The following ZFAND3 variants were observed in gnomAD, a reference collection of about 807,000 sequenced individuals.
ZFAND3 encodes zinc finger AN1-type containing 3.
ZFAND3 carries 10 observed loss-of-function variants against 29.6 expected under a neutral mutation model. The ratio of observed to expected loss-of-function variants is 0.34; its 90% CI spans 0.21 to 0.57. ZFAND3 has a LOEUF of 0.57. ZFAND3 is among the 20% of genes least tolerant of loss of function. The pLI, the probability that ZFAND3 is intolerant of heterozygous loss-of-function variation, is 0.86. For synonymous variants in ZFAND3, 128 were observed against 112.6 expected (o/e 1.14, Z -0.87); for missense variants, 230 against 304.5 (o/e 0.76, Z 1.82).
chr6:38,124,761 C>G (rs772177392), intron 5 of ZFAND3, among the ~76,000 whole-genome samples: 1 of 152,196 alleles, frequency 6.6e-6, no homozygotes, highest in Non-Finnish European at 1.5e-5. Flanking sequence ...CAGAGAGGGG[C>G]CCCCACAGCG....
At chr6:37,879,884 G>A (rs1764859499) in intron 1 of ZFAND3, among the ~76,000 whole-genome samples, 1 of 152,186 alleles carries the variant, frequency 6.6e-6, no homozygotes, top group African/African-American at 2.4e-5. Context: ...AAGGGGCTGC[G>A]TTATAGACTC....
chr6:38,154,153 A>G lies in ZFAND3; in HGVS notation c.*1764A>G. The G allele has an allele frequency of 1.0e-6, 1 of 985,598 alleles. No homozygotes were observed. Among genetic ancestry groups the G allele is most frequent in the Non-Finnish European group, 1.2e-6 (1 of 830,044 alleles). The allele number at this position is 985,598 out of a possible 1,614,324, so 61.1% of individuals were successfully genotyped here. A position where few individuals can be genotyped will look rare whatever the true frequency, so the allele number is the denominator to read the frequency against. On this transcript the variant is annotated 3_prime_UTR_variant, in exon 6 of 6. Coordinates refer to ENST00000287218, the MANE Select transcript of ZFAND3 (RefSeq NM_021943.3). ...TGCCCAGCGTTTACCACTGCTGTCA[A>G]GCCACAGCCCTTGGCCACCATACGG...
chr6:37,835,701 A>G (rs576385485), intron 1 of ZFAND3, among the ~76,000 whole-genome samples: 2 of 152,116 alleles, frequency 1.3e-5, no homozygotes, highest in South Asian at 4.1e-4. Flanking sequence ...AGTCATGGTT[A>G]TGTTCTTTTG....
At chr6:38,105,423 A>G (rs1765188685) in intron 4 of ZFAND3, among the ~76,000 whole-genome samples, 1 of 152,180 alleles carries the variant, frequency 6.6e-6, no homozygotes, top group African/African-American at 2.4e-5. Flanking sequence ...AATTTTTTTA[A>G]TGAGTTTGGA....
intron 2 of ZFAND3, among the ~76,000 whole-genome samples, chr6:38,048,299 G>A (rs1219549674): frequency 1.3e-5 from 2 of 151,996 alleles, no homozygotes; most frequent in Admixed American, 6.6e-5. Context: ...CACCATGCCC[G>A]GCCCCAACAT....
chr6:38,005,546 T>C (rs1186055233), intron 2 of ZFAND3, among the ~76,000 whole-genome samples: 2 of 152,220 alleles, frequency 1.3e-5, no homozygotes, highest in African/African-American at 2.4e-5. Context: ...GACAAGCCTT[T>C]ATCTATCCTT....
intron 2 of ZFAND3, among the ~76,000 whole-genome samples, chr6:38,053,521 T>TA (rs1395685758): frequency 2.6e-5 from 4 of 151,944 alleles, no homozygotes; most frequent in Non-Finnish European, 5.9e-5. Flanking sequence ...CTGTCTCTAC[T>TA]AAAAATACAA....
At chr6:37,912,303 C>T (rs1049016932) in intron 1 of ZFAND3, among the ~76,000 whole-genome samples, 1 of 152,008 alleles carries the variant, frequency 6.6e-6, no homozygotes, top group African/African-American at 2.4e-5. Context: ...ACAGAGTATG[C>T]TCATTAAGAT....
At chr6:37,949,486 A>AT (rs2127420083) in intron 2 of ZFAND3, among the ~76,000 whole-genome samples, 1 of 152,222 alleles carries the variant, frequency 6.6e-6, no homozygotes, top group South Asian at 2.1e-4. Context: ...TTCTGACACT[A>AT]TCTACCTGGA....
rs544318903 is a variant in ZFAND3, at chr6:37,846,772, C to T, written c.71+26756C>T. On this transcript the variant is annotated intron_variant, in intron 1 of 5. Coordinates refer to ENST00000287218, the MANE Select transcript of ZFAND3 (RefSeq NM_021943.3). Reference sequence around the variant, plus strand: ...TGTCGCCCAGGCTGAAGTACAGTGGCGTGATCTCGGCTCACTGCAACCTCC... The same window carrying T: ...TGTCGCCCAGGCTGAAGTACAGTGGTGTGATCTCGGCTCACTGCAACCTCC... Among the ~76,000 whole-genome samples the T allele has an allele frequency of 2.0e-3, 293 of 149,154 alleles. 1 individual carries two copies. Among genetic ancestry groups the T allele is most frequent in the Non-Finnish European group, 3.3e-3 (225 of 67,634 alleles).
At chr6:38,134,493 C>T (rs913304507) in intron 5 of ZFAND3, among the ~76,000 whole-genome samples, 1 of 152,174 alleles carries the variant, frequency 6.6e-6, no homozygotes, top group African/African-American at 2.4e-5. Context: ...CACTCAGCCC[C>T]TAGAATAGAG....
chr6:38,086,353 C>T (rs1027304222), intron 4 of ZFAND3, among the ~76,000 whole-genome samples: 1 of 152,078 alleles, frequency 6.6e-6, no homozygotes. Context: ...CCCACTCCAC[C>T]CCACCCCTAC....
chr6:37,838,754 A>G (rs779460827), intron 1 of ZFAND3, among the ~76,000 whole-genome samples: 1 of 152,218 alleles, frequency 6.6e-6, no homozygotes, highest in Non-Finnish European at 1.5e-5. Flanking sequence ...GTTTTTGGCT[A>G]TTATGAATAA....
intron 1 of ZFAND3, among the ~76,000 whole-genome samples, chr6:37,875,192 T>G (rs2127389542): frequency 6.6e-6 from 1 of 152,336 alleles, no homozygotes; most frequent in Middle Eastern, 3.4e-3. Context: ...GTGTTATTTT[T>G]AATTTTAAAA....
intron 1 of ZFAND3, among the ~76,000 whole-genome samples, chr6:37,924,177 C>T (rs1761438173): frequency 6.6e-6 from 1 of 152,110 alleles, no homozygotes; most frequent in African/African-American, 2.4e-5. Context: ...ATGACGTTAT[C>T]TACCAGCCAT....
chr6:38,145,291 C>T (rs936490973), intron 5 of ZFAND3, among the ~76,000 whole-genome samples: 7 of 152,206 alleles, frequency 4.6e-5, no homozygotes, highest in African/African-American at 1.7e-4. Flanking sequence ...GAACACACAC[C>T]CAGCCCGACC....
Position 37,843,683 on chromosome 6 carries a change from T to C in ZFAND3, c.71+23667T>C, listed in dbSNP as rs2064795. 0.017 allele frequency among the ~76,000 whole-genome samples: 2,577 copies of C among 152,288 alleles called. 250 individuals are homozygous for C. The East Asian group carries it at 0.28, about 16-fold the overall frequency. ...GGCTTGGGCCTGTTTTTGCAATTAC[T>C]CAGCATTTTCCTCACTAAAAAACCT... On this transcript the variant is annotated intron_variant, in intron 1 of 5. Transcript: ENST00000287218.
chr6:37,925,552 A>G (rs1371920868), intron 1 of ZFAND3, among the ~76,000 whole-genome samples: 3 of 152,086 alleles, frequency 2.0e-5, no homozygotes, highest in Non-Finnish European at 2.9e-5. Flanking sequence ...AAAAATAGAA[A>G]AATTAGCCGG....
intron 5 of ZFAND3, among the ~76,000 whole-genome samples, chr6:38,122,493 A>C (rs1214340796): frequency 6.6e-6 from 1 of 152,142 alleles, no homozygotes; most frequent in Non-Finnish European, 1.5e-5. Flanking sequence ...ATTGTCCTGG[A>C]TTTAGCCAGT....
Sources: allele counts gnomAD v4.1 joint callset (sites outside exome capture counted in the v4.1 genomes callset), GRCh38; gene constraint gnomAD v4.1.1; transcripts MANE v1.5; gene names NCBI Gene and HGNC (gene_info 2026-07-23, HGNC 2026-07-21).